The following EIF4G3 variants were observed in gnomAD, a reference collection of about 807,000 sequenced individuals.
EIF4G3 encodes eukaryotic translation initiation factor 4 gamma 3, also known as eIF-4-gamma 3.
A neutral mutation model predicts 186.4 loss-of-function variants in EIF4G3; 34 were observed. The ratio of observed to expected loss-of-function variants is 0.18; its 90% CI spans 0.14 to 0.24. The LOEUF (loss-of-function observed/expected upper bound fraction) is 0.24, where lower values mean the gene tolerates loss of function less well. Among genes scored for constraint, EIF4G3 ranks in the 10% least tolerant of loss-of-function variants. EIF4G3 has a pLI of 1.00. For synonymous variants in EIF4G3, 673 were observed against 679.5 expected, an observed-to-expected ratio of 0.99 and a Z score of 0.15; for missense variants, 1,536 against 1,948.5, an observed-to-expected ratio of 0.79 and a Z score of 3.99.
At chr1:20,886,538 A>T (rs1420032247) in intron 18 of EIF4G3, among the ~76,000 whole-genome samples, 167 bp from the exon 19 acceptor site, 1 of 152,228 alleles carries the variant, frequency 6.6e-6, no homozygotes, top group African/African-American at 2.4e-5. Context: ...AAATAACTTC[A>T]GAATACCATC....
intron 3 of EIF4G3, among the ~76,000 whole-genome samples, chr1:21,066,307 A>T (rs1287268613): frequency 5.0e-5 from 7 of 139,398 alleles, no homozygotes. Context: ...AAAAAAAAAA[A>T]GTAAAAAATA....
rs967201696 is a variant in EIF4G3, at chr1:20,941,963, A to G, written c.1191T>C (p.Ser397=). 1.2e-6 allele frequency: 2 copies of G among 1,614,188 alleles called. No homozygotes were observed. The highest frequency in any genetic ancestry group is 8.5e-7 in the Non-Finnish European group (1 of 1,180,024). The change falls in exon 14 of 37, where the codon AGT becomes AGC. Residue 397 remains serine (S), a synonymous_variant. Coordinates refer to ENST00000602326, the MANE Select transcript of EIF4G3 (RefSeq NM_001391906.1). ...NDDDICKKPC[S]VAPNDIPLVS... ...CCAGTGGAATATCATTAGGTGCTAC[A>G]CTACAGGGTTTCTTGCATATATCAT...
intron 2 of EIF4G3, among the ~76,000 whole-genome samples, chr1:21,114,627 A>G (rs2096785403): frequency 6.6e-6 from 1 of 152,242 alleles, no homozygotes; most frequent in African/African-American, 2.4e-5. Context: ...ACTGTTGGAC[A>G]ATTATGCAAC....
chr1:20,851,577 G>C (rs1033341091), intron 27 of EIF4G3, 99 bp from the exon 28 acceptor site: 1 of 1,163,940 alleles, frequency 8.6e-7, no homozygotes, highest in Admixed American at 2.3e-5. Context: ...AAAGTATACA[G>C]AATTTTTCAC....
chr1:21,059,858 A>G (rs542964848), intron 3 of EIF4G3, among the ~76,000 whole-genome samples: 2 of 152,378 alleles, frequency 1.3e-5, no homozygotes, highest in South Asian at 4.1e-4. Flanking sequence ...CTAACAAATG[A>G]AAAAATAAAC....
chr1:20,820,852 C>G (rs1292003705), intron 33 of EIF4G3, among the ~76,000 whole-genome samples: 2 of 152,100 alleles, frequency 1.3e-5, no homozygotes, highest in East Asian at 3.9e-4. Context: ...CTTCAGAGAC[C>G]TGCAGAAATG....
intron 4 of EIF4G3, among the ~76,000 whole-genome samples, chr1:21,028,862 A>G (rs1455484305): frequency 6.6e-6 from 1 of 152,246 alleles, no homozygotes; most frequent in African/African-American, 2.4e-5. Context: ...ATACCTAAAT[A>G]GAGTTTAGAC....
At chr1:21,151,658 T>C (rs576020888) in intron 2 of EIF4G3, among the ~76,000 whole-genome samples, 1 of 152,096 alleles carries the variant, frequency 6.6e-6, no homozygotes, top group South Asian at 2.1e-4. Flanking sequence ...ATGAGAACAA[T>C]CAGAATCTTA....
chr1:21,051,058 T>C, intron 3 of EIF4G3, 64 bp from the exon 4 acceptor site: 1 of 703,784 alleles, frequency 1.4e-6, no homozygotes, highest in South Asian at 1.5e-5. Flanking sequence ...TAAATACAGC[T>C]GAACTATCTG....
At chr1:20,980,111 T>C (rs1404958927) in intron 10 of EIF4G3, among the ~76,000 whole-genome samples, 1 of 151,832 alleles carries the variant, frequency 6.6e-6, no homozygotes, top group Non-Finnish European at 1.5e-5. Context: ...TAAGGCAGGA[T>C]GATCACTTGA....
At chr1:21,031,120 G>T (rs927182697) in intron 4 of EIF4G3, among the ~76,000 whole-genome samples, 1 of 151,768 alleles carries the variant, frequency 6.6e-6, no homozygotes, top group Non-Finnish European at 1.5e-5. Context: ...CAGGAGGTGT[G>T]GGCCGCAGTG....
chr1:21,030,238 T>C (rs1468736612), intron 4 of EIF4G3, among the ~76,000 whole-genome samples: 2 of 152,344 alleles, frequency 1.3e-5, no homozygotes, highest in East Asian at 3.9e-4. Flanking sequence ...TTTGGCTCTG[T>C]GTCTCCACCC....
chr1:20,818,646 G>GA (rs556406811), intron 33 of EIF4G3, among the ~76,000 whole-genome samples: 10 of 146,424 alleles, frequency 6.8e-5, no homozygotes, highest in Non-Finnish European at 9.1e-5. Context: ...GTCTCAAAAA[G>GA]AAAAAAAAAA....
At chr1:21,097,629 G>A (rs1231158662) in intron 2 of EIF4G3, among the ~76,000 whole-genome samples, 2 of 152,106 alleles carry the variant, frequency 1.3e-5, no homozygotes, top group African/African-American at 4.8e-5. Flanking sequence ...ACAAATCAAT[G>A]AACAGAATAT....
intron 4 of EIF4G3, among the ~76,000 whole-genome samples, chr1:21,008,334 AT>A (rs1408476981): frequency 2.3e-5 from 3 of 130,484 alleles, no homozygotes; most frequent in Admixed American, 1.5e-4. Flanking sequence ...ACTTATTTTA[AT>A]CTTTTTTTTT....
chr1:21,103,894 C>T (rs908344936), intron 2 of EIF4G3, among the ~76,000 whole-genome samples: 3 of 152,090 alleles, frequency 2.0e-5, no homozygotes, highest in Admixed American at 6.6e-5. Context: ...ATTCTGTGTT[C>T]GTATAGCAGT....
chr1:20,854,917 G>T, intron 26 of EIF4G3, 61 bp downstream of exon 26: 1 of 1,370,816 alleles, frequency 7.3e-7, no homozygotes, highest in Non-Finnish European at 1.0e-6. Context: ...CTATGGGAAT[G>T]CGCTGTAAGG....
Position 20,989,293 on chromosome 1 carries a change from C to T in EIF4G3, c.178-6885G>A, listed in dbSNP as rs150620981. Among the ~76,000 whole-genome samples the T allele has an allele frequency of 9.1e-4, 138 of 151,446 alleles. No homozygotes were observed. In the East Asian group the frequency reaches 0.021, roughly 23 times the overall value. Reference sequence around the variant, plus strand: ...TGCCTGGGCCGGGCACAGTGGCTCACGCTTGTAATCCCAACACTTCGGGAA... The same window carrying T: ...TGCCTGGGCCGGGCACAGTGGCTCATGCTTGTAATCCCAACACTTCGGGAA... On this transcript the variant is annotated intron_variant, in intron 7 of 36. Coordinates refer to ENST00000602326, the MANE Select transcript of EIF4G3 (RefSeq NM_001391906.1).
intron 4 of EIF4G3, among the ~76,000 whole-genome samples, chr1:21,017,410 C>T (rs1460661087): frequency 2.6e-5 from 4 of 151,868 alleles, no homozygotes; most frequent in South Asian, 4.2e-4. Flanking sequence ...GGGTGGATCA[C>T]GAGGTCAAGA....
Sources: allele counts gnomAD v4.1 joint callset (sites outside exome capture counted in the v4.1 genomes callset), GRCh38; gene constraint gnomAD v4.1.1; transcripts MANE v1.5; gene names NCBI Gene and HGNC (gene_info 2026-07-23, HGNC 2026-07-21).